ARFGEF1: variants seen among roughly 807,000 people sequenced by gnomAD.
The protein encoded by ARFGEF1 is ARF guanine nucleotide exchange factor 1, also known as brefeldin A-inhibited guanine nucleotide-exchange protein 1.
A neutral mutation model predicts 231.0 loss-of-function variants in ARFGEF1; 42 were observed. The ratio of observed to expected loss-of-function variants is 0.18; its 90% confidence interval spans 0.14 to 0.24. ARFGEF1 has a LOEUF of 0.24. ARFGEF1 is among the 10% of genes least tolerant of loss of function. The pLI is 1.00. For missense variants in ARFGEF1, 1,345 were observed against 2,192.0 expected (o/e 0.61, Z 7.72); for synonymous variants, 710 against 732.3 (o/e 0.97, Z 0.49).
chr8:67,291,666 T>C (rs573790872), intron 6 of ARFGEF1, among the ~76,000 whole-genome samples, 181 bp downstream of exon 6: 2 of 152,288 alleles, frequency 1.3e-5, no homozygotes, highest in Non-Finnish European at 2.9e-5. Flanking sequence ...CATTCATAGA[T>C]ATCTTGTAGG....
chr8:67,247,956 C>T lies in ARFGEF1; in HGVS notation c.2850+3343G>A, dbSNP rs560840356. On this transcript the variant is annotated intron_variant, in intron 19 of 38. Coordinates refer to ENST00000262215, the MANE Select transcript of ARFGEF1 (RefSeq NM_006421.5). ...AGAAATTTTAAAAATTAACCAAAGACGTGAAAGATCCCTACAATGAAAACT... is the reference window on the plus strand; with the variant it reads ...AGAAATTTTAAAAATTAACCAAAGATGTGAAAGATCCCTACAATGAAAACT... 7.8e-4 allele frequency among the ~76,000 whole-genome samples: 117 copies of T among 149,830 alleles called. 1 individual carries two copies. The South Asian group carries it at 0.024, about 31-fold the overall frequency.
chr8:67,244,472 C>A (rs1840044117), intron 19 of ARFGEF1, among the ~76,000 whole-genome samples: 1 of 148,656 alleles, frequency 6.7e-6, no homozygotes, highest in African/African-American at 2.5e-5. Flanking sequence ...CTATACCTGG[C>A]TAATTTTTGT....
chr8:67,299,386 AGTAAG>A, intron 3 of ARFGEF1, 31 bp from the exon 4 acceptor site: 1 of 1,586,832 alleles, frequency 6.3e-7, no homozygotes, highest in Admixed American at 1.9e-5. Context: ...AAAGATCCTA[AGTAAG>A]GTAACAAATA....
chr8:67,287,449 G>T (rs567316157), intron 7 of ARFGEF1, among the ~76,000 whole-genome samples: 6 of 152,224 alleles, frequency 3.9e-5, no homozygotes, highest in African/African-American at 1.4e-4. Context: ...ATTCTGCTTT[G>T]TACTTTTTCA....
At chr8:67,190,417 T>C (rs1307492247) in intron 5 of ARFGEF1, among the ~76,000 whole-genome samples, 1 of 152,012 alleles carries the variant, frequency 6.6e-6, no homozygotes, top group African/African-American at 2.4e-5. Context: ...GGGGAGTGAT[T>C]GCCAGTGTGC....
chr8:67,183,147 A>C (rs1833465642), intron 5 of ARFGEF1, among the ~76,000 whole-genome samples: 1 of 152,226 alleles, frequency 6.6e-6, no homozygotes, highest in African/African-American at 2.4e-5. Flanking sequence ...AGAGTGTCAA[A>C]ATACATGTCA....
At chr8:67,337,128 CAAAAAA>C (rs1160016610) in intron 1 of ARFGEF1, among the ~76,000 whole-genome samples, 1 of 55,000 alleles carries the variant, frequency 1.8e-5, no homozygotes, top group East Asian at 5.3e-4. Flanking sequence ...GACGCCGTCT[CAAAAAA>C]AAAAAAAAAA....
intron 5 of ARFGEF1, among the ~76,000 whole-genome samples, chr8:67,186,959 AATCTATCTATCATCT>A (rs1296231172): frequency 2.0e-5 from 3 of 148,282 alleles, no homozygotes; most frequent in African/African-American, 5.0e-5. Flanking sequence ...CTGAGGTATA[AATCTATCTATCATCT>A]ATCTATCTAT....
chr8:67,266,452 T>C (rs1237560497), intron 13 of ARFGEF1, among the ~76,000 whole-genome samples: 1 of 152,172 alleles, frequency 6.6e-6, no homozygotes, highest in Admixed American at 6.5e-5. Flanking sequence ...GAGTATCCAC[T>C]GGATTTCTGC....
intron 17 of ARFGEF1, 75 bp downstream of exon 17, chr8:67,257,657 T>C: frequency 8.4e-7 from 1 of 1,188,818 alleles, no homozygotes; most frequent in Non-Finnish European, 1.2e-6. Context: ...AAATTTCAAC[T>C]ATTACTTACT....
At chr8:67,224,193 T>C (rs1172838814) in intron 29 of ARFGEF1, among the ~76,000 whole-genome samples, 2 of 152,098 alleles carry the variant, frequency 1.3e-5, no homozygotes, top group East Asian at 1.9e-4. Flanking sequence ...GAAAGATTCC[T>C]AAAAGATTTT....
At position 67,334,512 on chromosome 8, in the gene ARFGEF1, T is replaced by C. The variant is rs114947542; in HGVS notation, c.124+8652A>G. ...TGGGTATGTAGGCTGGAAAAGAATT[T>C]AGCAGTTTCTTAAAAAGTTAAACAT... On this transcript the variant is annotated intron_variant, in intron 1 of 38. Transcript: ENST00000262215. Among the ~76,000 whole-genome samples, 980 of 152,280 alleles carry C rather than the reference T, an allele frequency of 6.4e-3. 7 individuals carry two copies. The highest frequency in any genetic ancestry group is 0.023 in the African/African-American group (939 of 41,540).
intron 1 of ARFGEF1, among the ~76,000 whole-genome samples, chr8:67,326,708 T>C (rs1807850536): frequency 6.6e-6 from 1 of 152,218 alleles, no homozygotes; most frequent in South Asian, 2.1e-4. Context: ...AAATTATGTA[T>C]AACAAAATCA....
intron 7 of ARFGEF1, among the ~76,000 whole-genome samples, chr8:67,284,716 A>G (rs925354944): frequency 1.1e-4 from 16 of 152,174 alleles, no homozygotes; most frequent in African/African-American, 3.6e-4. Context: ...ACAAATAGGA[A>G]CTTAAGACTA....
intron 10 of ARFGEF1, among the ~76,000 whole-genome samples, chr8:67,271,036 AAAAAAAAG>A (rs1274115105): frequency 0.024 from 3,594 of 146,764 alleles, 94 homozygotes; most frequent in Middle Eastern, 0.045. Flanking sequence ...AAAAAAAAAA[AAAAAAAAG>A]GAAAAAGAAA....
chr8:67,301,182 T>C (rs1209912631), intron 3 of ARFGEF1, 42 bp downstream of exon 3: 3 of 1,509,534 alleles, frequency 2.0e-6, no homozygotes, highest in Non-Finnish European at 2.7e-6. Context: ...TAGAAACACA[T>C]TCAAAGTACA....
At chr8:67,219,764 A>G (rs1392389764) in intron 29 of ARFGEF1, among the ~76,000 whole-genome samples, 1 of 152,190 alleles carries the variant, frequency 6.6e-6, no homozygotes, top group African/African-American at 2.4e-5. Flanking sequence ...AAAATCTCCA[A>G]AGGTCTTGGC....
At chr8:67,252,002 G>A (rs1211982183) in intron 18 of ARFGEF1, among the ~76,000 whole-genome samples, 1 of 152,088 alleles carries the variant, frequency 6.6e-6, no homozygotes, top group Non-Finnish European at 1.5e-5. Context: ...GGGCGTGGTG[G>A]CTCATGCCTG....
chr8:67,206,576 C>T (rs1245309220), intron 34 of ARFGEF1, among the ~76,000 whole-genome samples: 4 of 152,210 alleles, frequency 2.6e-5, no homozygotes, highest in Non-Finnish European at 4.4e-5. Flanking sequence ...GATAGTCCGC[C>T]GGCCCATGTG....
Sources: gnomAD v4.1 joint callset for allele counts (sites outside exome capture counted in the v4.1 genomes callset) on GRCh38, gnomAD v4.1.1 for gene constraint, MANE v1.5 for transcripts, NCBI Gene and HGNC (gene_info 2026-07-23, HGNC 2026-07-21) for gene names.